LINGO2: variants seen among roughly 807,000 people sequenced by gnomAD.
The protein encoded by LINGO2 is leucine rich repeat and Ig domain containing 2.
Under a neutral mutation model 30.6 loss-of-function variants are expected in LINGO2, and 14 were observed. The ratio of observed to expected loss-of-function variants is 0.46; its 90% CI spans 0.30 to 0.72. The LOEUF is 0.72. LINGO2 is among the 30% of genes least tolerant of loss of function. LINGO2 has a pLI of 0.07. For synonymous variants in LINGO2, 317 were observed against 288.5 expected (o/e 1.10, Z -1.00); for missense variants, 729 against 751.7 (o/e 0.97, Z 0.35).
At chr9:28,862,440 T>A in the LINGO2 span, among the ~76,000 whole-genome samples, 56 of 152,284 alleles carry the variant, frequency 3.7e-4, no homozygotes, top group Admixed American at 2.5e-3. Context: ...TATTGATTCA[T>A]TCTTTTGGTC....
the LINGO2 span, among the ~76,000 whole-genome samples, chr9:28,809,317 A>G: frequency 2.0e-5 from 3 of 152,192 alleles, no homozygotes; most frequent in African/African-American, 7.2e-5. Flanking sequence ...CTGACTTTCT[A>G]TTTCTACAAA....
the LINGO2 span, among the ~76,000 whole-genome samples, chr9:28,822,632 A>G: frequency 6.6e-5 from 10 of 152,288 alleles, no homozygotes; most frequent in African/African-American, 1.7e-4. Flanking sequence ...CTAGCCTCCC[A>G]GCCTACATCT....
the LINGO2 span, among the ~76,000 whole-genome samples, chr9:29,120,448 T>C: frequency 6.6e-6 from 1 of 152,196 alleles, no homozygotes; most frequent in Non-Finnish European, 1.5e-5. Context: ...TGTAATCATT[T>C]TCACTTTATT....
chr9:28,590,417 G>T (rs1394417963), intron 1 of LINGO2, among the ~76,000 whole-genome samples: 2 of 151,898 alleles, frequency 1.3e-5, no homozygotes, highest in Non-Finnish European at 2.9e-5. Flanking sequence ...CTGACGAAGG[G>T]CTAATATCCA....
rs183102025 is a variant in LINGO2, at chr9:28,398,449, A to G, written c.-278-25581T>C. ...TCTCATTTCCATAAATCTTACTTACATAACTTGATTTGGTATAAAAACCAG... is the reference window on the plus strand; with the variant it reads ...TCTCATTTCCATAAATCTTACTTACGTAACTTGATTTGGTATAAAAACCAG... On this transcript the variant is annotated intron_variant, in intron 2 of 5. Coordinates refer to ENST00000379992, the Ensembl canonical transcript of LINGO2. 1.5e-4 allele frequency among the ~76,000 whole-genome samples: 23 copies of G among 152,288 alleles called. No homozygotes were observed. In the East Asian group the frequency reaches 4.2e-3, roughly 28 times the overall value.
At chr9:28,082,177 A>T (rs541588517) in intron 4 of LINGO2, among the ~76,000 whole-genome samples, 1 of 152,292 alleles carries the variant, frequency 6.6e-6, no homozygotes, top group Non-Finnish European at 1.5e-5. Context: ...CATCAAAGGC[A>T]AAACAAAACA....
chr9:28,053,034 C>T (rs1483704672), intron 4 of LINGO2, among the ~76,000 whole-genome samples: 2 of 152,066 alleles, frequency 1.3e-5, no homozygotes, highest in Non-Finnish European at 2.9e-5. Context: ...CTGTCCTCAT[C>T]AAGTTTATAA....
chr9:28,678,641 G>T, the LINGO2 span, among the ~76,000 whole-genome samples: 1 of 152,106 alleles, frequency 6.6e-6, no homozygotes, highest in Non-Finnish European at 1.5e-5. Context: ...TAAAGGGATG[G>T]TTGTGAGGAC....
At chr9:28,678,107 C>G in the LINGO2 span, among the ~76,000 whole-genome samples, 1 of 149,418 alleles carries the variant, frequency 6.7e-6, no homozygotes, top group Admixed American at 6.8e-5. Flanking sequence ...TGGATCATGT[C>G]TTTCCACAAA....
the LINGO2 span, among the ~76,000 whole-genome samples, chr9:29,141,234 T>G: frequency 0.24 from 37,031 of 151,836 alleles, 4,700 homozygotes; most frequent in East Asian, 0.44. Context: ...TATAAAATAT[T>G]CTAATGGACA....
intron 4 of LINGO2, among the ~76,000 whole-genome samples, chr9:28,216,365 C>T (rs1259215411): frequency 6.6e-6 from 1 of 151,792 alleles, no homozygotes; most frequent in Non-Finnish European, 1.5e-5. Context: ...CATATTATTT[C>T]AATGATTCTG....
At chr9:28,907,095 T>C in the LINGO2 span, among the ~76,000 whole-genome samples, 1 of 151,984 alleles carries the variant, frequency 6.6e-6, no homozygotes, top group East Asian at 1.9e-4. Flanking sequence ...CTTCCATTTC[T>C]GGTGGAATGG....
the LINGO2 span, among the ~76,000 whole-genome samples, chr9:29,018,879 C>A: frequency 6.6e-6 from 1 of 152,136 alleles, no homozygotes; most frequent in South Asian, 2.1e-4. Flanking sequence ...ACGAAATTCA[C>A]AGGGACTATG....
At chr9:28,422,637 T>C (rs1253614252) in intron 2 of LINGO2, among the ~76,000 whole-genome samples, 1 of 152,040 alleles carries the variant, frequency 6.6e-6, no homozygotes, top group Non-Finnish European at 1.5e-5. Flanking sequence ...CTTAAAAACA[T>C]AAATTCCACG....
the LINGO2 span, among the ~76,000 whole-genome samples, chr9:28,830,514 T>TA: frequency 2.0e-5 from 3 of 151,974 alleles, no homozygotes; most frequent in Non-Finnish European, 2.9e-5. Flanking sequence ...GGCCACTCAA[T>TA]AAAGTACAGG....
At chr9:28,551,104 G>C (rs1475258992) in intron 1 of LINGO2, among the ~76,000 whole-genome samples, 2 of 151,790 alleles carry the variant, frequency 1.3e-5, no homozygotes, top group African/African-American at 4.8e-5. Flanking sequence ...TAAAGTCATT[G>C]AGTAGCCTCT....
At chr9:28,362,438 T>C (rs1164227394) in intron 3 of LINGO2, among the ~76,000 whole-genome samples, 1 of 151,684 alleles carries the variant, frequency 6.6e-6, no homozygotes, top group Non-Finnish European at 1.5e-5. Context: ...AAGAGGAACT[T>C]AGCCTAGAAG....
chr9:28,451,888 A>T (rs1824661551), intron 2 of LINGO2, among the ~76,000 whole-genome samples: 1 of 151,740 alleles, frequency 6.6e-6, no homozygotes, highest in African/African-American at 2.4e-5. Flanking sequence ...AACATGAAGT[A>T]ATTATCAATA....
the LINGO2 span, among the ~76,000 whole-genome samples, chr9:28,937,017 T>C: frequency 6.6e-6 from 1 of 152,134 alleles, no homozygotes; most frequent in Admixed American, 6.5e-5. Flanking sequence ...ACCAGCAGTA[T>C]TGGATTAACA....
Sources: gnomAD v4.1 joint callset for allele counts (sites outside exome capture counted in the v4.1 genomes callset) on GRCh38, gnomAD v4.1.1 for gene constraint, MANE v1.5 for transcripts, NCBI Gene and HGNC (gene_info 2026-07-23, HGNC 2026-07-21) for gene names.